The following GNAI3 variants were observed in gnomAD, a reference collection of about 807,000 sequenced individuals.
GNAI3 encodes G protein subunit alpha i3.
In GNAI3, 12 loss-of-function variants were observed where a neutral mutation model predicts 41.8. The observed-to-expected ratio is 0.29, with a 90% CI of 0.18 to 0.47. The LOEUF is 0.47. Ranked by LOEUF, GNAI3 falls within the 20% of genes least tolerant of loss-of-function variation. The pLI, the probability that GNAI3 is intolerant of heterozygous loss-of-function variation, is 1.00. For missense variants in GNAI3, 360 were observed against 429.6 expected (o/e 0.84, Z 1.43); for synonymous variants, 132 against 146.5 (o/e 0.90, Z 0.71).
chr1:109,571,602 C>G lies in GNAI3; in HGVS notation c.119-2135C>G, dbSNP rs147629479. 2.0e-5 allele frequency among the ~76,000 whole-genome samples: 3 copies of G among 152,232 alleles called. No individual in the cohort carries two copies. The South Asian group carries it at 6.2e-4, about 32-fold the overall frequency. Reference sequence around the variant, plus strand: ...CTCACTAGATGTTAACTGTTAGGATCAGTTTTTGAATAGTGTTTAAGCCAT... The same window carrying G: ...CTCACTAGATGTTAACTGTTAGGATGAGTTTTTGAATAGTGTTTAAGCCAT... On this transcript the variant is annotated intron_variant, in intron 1 of 8. Transcript: ENST00000369851.
At chr1:109,556,891 T>C (rs1648168159) in intron 1 of GNAI3, among the ~76,000 whole-genome samples, 1 of 152,242 alleles carries the variant, frequency 6.6e-6, no homozygotes, top group African/African-American at 2.4e-5. Flanking sequence ...TTTTTCTTAG[T>C]AAATACATTT....
chr1:109,585,301 T>C (rs1649007944), intron 5 of GNAI3, among the ~76,000 whole-genome samples: 1 of 152,188 alleles, frequency 6.6e-6, no homozygotes, highest in South Asian at 2.1e-4. Flanking sequence ...ATGCTGTTGA[T>C]AGAAGTTCAG....
intron 1 of GNAI3, among the ~76,000 whole-genome samples, chr1:109,556,644 C>A (rs754884267): frequency 1.1e-4 from 17 of 152,210 alleles, no homozygotes; most frequent in Non-Finnish European, 2.2e-4. Flanking sequence ...CTTCACTCCT[C>A]ACCCCCAAAT....
intron 1 of GNAI3, among the ~76,000 whole-genome samples, chr1:109,559,798 T>A (rs139605256): frequency 5.3e-5 from 8 of 152,308 alleles, no homozygotes; most frequent in African/African-American, 1.9e-4. Flanking sequence ...CTTGTCCAGG[T>A]GATCCTGTTA....
Position 109,579,612 on chromosome 1 carries a change from A to C in GNAI3, c.461+251A>C, listed in dbSNP as rs140525302. Among the ~76,000 whole-genome samples, 21 of 152,336 alleles carry C rather than the reference A, an allele frequency of 1.4e-4. No homozygotes were observed. In the East Asian group the frequency reaches 4.1e-3, roughly 29 times the overall value. On this transcript the variant is annotated intron_variant, in intron 4 of 8. Transcript: ENST00000369851. Reference sequence around the variant, plus strand: ...AATTAGTTCCATGGCATTTTATTATAAGCAAGTGAAGGAGGAGAGACATCT... The same window carrying C: ...AATTAGTTCCATGGCATTTTATTATCAGCAAGTGAAGGAGGAGAGACATCT...
chr1:109,558,069 C>T (rs17023446), intron 1 of GNAI3, among the ~76,000 whole-genome samples: 3,810 of 152,156 alleles, frequency 0.025, 194 homozygotes, highest in African/African-American at 0.086. Flanking sequence ...TTCATGAGAA[C>T]GTGCCTGCTC....
intron 3 of GNAI3, among the ~76,000 whole-genome samples, chr1:109,578,494 AAAG>A (rs1277912182): frequency 6.6e-6 from 1 of 151,500 alleles, no homozygotes; most frequent in East Asian, 1.9e-4. Context: ...AAAAAAAAGA[AAAG>A]AAATAAAGAA....
rs1649336894 is a variant in GNAI3, at chr1:109,597,484, C to G, written c.*5162C>G. 1 of 149,982 alleles carries G rather than the reference C, an allele frequency of 6.7e-6. No individual in the cohort carries two copies. Among genetic ancestry groups the G allele is most frequent in the African/African-American group, 2.5e-5 (1 of 40,614 alleles). The allele number at this position is 149,982 out of a possible 1,614,324, so 9.3% of individuals were successfully genotyped here. On this transcript the variant is annotated 3_prime_UTR_variant, in exon 9 of 9. Transcript: ENST00000369851. The stretch of plus-strand genomic sequence containing the variant: ...TTTTTTTGTTTTTTTTTAAAGTCAA[C>G]ACAAATATTGAAAATAAGCAACTTC...
chr1:109,579,152 A>G (rs887282791), intron 3 of GNAI3, 52 bp from the exon 4 acceptor site: 2 of 1,431,558 alleles, frequency 1.4e-6, no homozygotes, highest in Non-Finnish European at 1.9e-6. Flanking sequence ...ACTGTCATCA[A>G]GTCTTAAAGA....
intron 1 of GNAI3, among the ~76,000 whole-genome samples, chr1:109,569,818 T>G (rs1315068930): frequency 6.6e-6 from 1 of 151,968 alleles, no homozygotes; most frequent in Non-Finnish European, 1.5e-5. Flanking sequence ...TTTTGTTTTT[T>G]TTTTTAATCA....
In GNAI3 at chr1:109,595,038, A is replaced by C. The variant is rs1649260156; in HGVS notation, c.*2716A>C. On this transcript the variant is annotated 3_prime_UTR_variant, in exon 9 of 9. Transcript: ENST00000369851. ...GATATTTTCTTGTAGCAGGGCTAAA[A>C]TGTGGGATGAAACATTAAATCTACT... 6.6e-6 allele frequency: 1 copy of C among 152,240 alleles called. No individual in the cohort carries two copies. Among genetic ancestry groups the C allele is most frequent in the Admixed American group, 6.5e-5 (1 of 15,292 alleles). 9.4% of individuals were successfully genotyped at this position (152,240 alleles called of 1,614,324 possible).
chr1:109,587,742 TGG>T (rs1446527300), intron 7 of GNAI3, among the ~76,000 whole-genome samples: 3 of 152,158 alleles, frequency 2.0e-5, no homozygotes, highest in Non-Finnish European at 4.4e-5. Context: ...ATCCATATCA[TGG>T]GGTGCATGAT....
At chr1:109,555,061 G>A (rs1168684463) in intron 1 of GNAI3, among the ~76,000 whole-genome samples, 2 of 152,216 alleles carry the variant, frequency 1.3e-5, no homozygotes, top group African/African-American at 4.8e-5. Context: ...CACGTCCCAT[G>A]CTCATGGATG....
At chr1:109,577,029 TTA>T (rs1380823785) in intron 3 of GNAI3, among the ~76,000 whole-genome samples, 1 of 148,452 alleles carries the variant, frequency 6.7e-6, no homozygotes, top group African/African-American at 2.6e-5. Flanking sequence ...TTTTTTTTTT[TTA>T]AAGTAGTGCT....
chr1:109,560,468 TATTTTA>T (rs1156664292), intron 1 of GNAI3, among the ~76,000 whole-genome samples: 1 of 152,142 alleles, frequency 6.6e-6, no homozygotes, highest in Non-Finnish European at 1.5e-5. Context: ...GCACTCTATA[TATTTTA>T]ATTGTACTGG....
At chr1:109,576,086 G>A (rs1348203104) in intron 3 of GNAI3, among the ~76,000 whole-genome samples, 1 of 151,828 alleles carries the variant, frequency 6.6e-6, no homozygotes, top group Non-Finnish European at 1.5e-5. Context: ...TTTGTTTTTT[G>A]AGGCGGAGTT....
At chr1:109,562,261 A>G (rs1571149855) in intron 1 of GNAI3, among the ~76,000 whole-genome samples, 2 of 152,334 alleles carry the variant, frequency 1.3e-5, no homozygotes, top group East Asian at 3.9e-4. Flanking sequence ...TAGCATTTAC[A>G]TTTTATTAGG....
chr1:109,572,344 G>A (rs981229311), intron 1 of GNAI3, among the ~76,000 whole-genome samples: 4 of 152,162 alleles, frequency 2.6e-5, no homozygotes, highest in African/African-American at 9.7e-5. Flanking sequence ...AGAAACTGGA[G>A]AGAGGAGATT....
intron 1 of GNAI3, among the ~76,000 whole-genome samples, chr1:109,551,817 C>G (rs886623834): frequency 1.3e-5 from 2 of 152,162 alleles, no homozygotes; most frequent in Non-Finnish European, 2.9e-5. Flanking sequence ...ACAGACACTT[C>G]AGTATTGTAA....
Sources: gnomAD v4.1 joint callset for allele counts (sites outside exome capture counted in the v4.1 genomes callset) on GRCh38, gnomAD v4.1.1 for gene constraint, MANE v1.5 for transcripts, NCBI Gene and HGNC (gene_info 2026-07-23, HGNC 2026-07-21) for gene names.